PLAAT1: variants seen among roughly 807,000 people sequenced by gnomAD.
PLAAT1 encodes H-REV107 protein-related protein.
Under a neutral mutation model 16.4 loss-of-function variants are expected in PLAAT1, and 13 were observed. That is an observed-to-expected ratio of 0.79 (90% CI 0.52 to 1.26). The LOEUF (loss-of-function observed/expected upper bound fraction) is 1.26, where lower values mean the gene tolerates loss of function less well. Among genes scored for constraint, PLAAT1 ranks in the 50% most tolerant of loss-of-function variants. PLAAT1 has a pLI of 0.00. For synonymous variants in PLAAT1, 73 were observed against 78.4 expected (o/e 0.93, Z 0.36); for missense variants, 218 against 207.8 (o/e 1.05, Z -0.30).
chr3:193,266,696 G>A (rs942457734), intron 3 of PLAAT1, among the ~76,000 whole-genome samples: 1 of 152,062 alleles, frequency 6.6e-6, no homozygotes, highest in African/African-American at 2.4e-5. Context: ...ACTGTATTAT[G>A]TATTATCCAT....
chr3:193,245,478 T>G (rs1241034208), intron 1 of PLAAT1, among the ~76,000 whole-genome samples: 4 of 152,216 alleles, frequency 2.6e-5, no homozygotes. Flanking sequence ...TTGGCTATTA[T>G]GAACAATGCT....
intron 2 of PLAAT1, among the ~76,000 whole-genome samples, chr3:193,258,763 TA>T (rs779365071): frequency 4.0e-5 from 6 of 151,612 alleles, no homozygotes; most frequent in African/African-American, 1.5e-4. Context: ...ATAATAATAA[TA>T]AAAAAACTAC....
chr3:193,267,740 G>C (rs563020951), intron 3 of PLAAT1, among the ~76,000 whole-genome samples: 1 of 152,194 alleles, frequency 6.6e-6, no homozygotes, highest in South Asian at 2.1e-4. Flanking sequence ...GAGCATGATT[G>C]CTAGATCATA....
At chr3:193,278,063 T>A (rs1024092266), downstream of PLAAT1, among the ~76,000 whole-genome samples, 1 of 152,112 alleles carries the variant, frequency 6.6e-6, no homozygotes, top group African/African-American at 2.4e-5. Flanking sequence ...CTTGGCCTCC[T>A]AGAGTGCAGG....
At chr3:193,275,223 G>T (rs998823825), downstream of PLAAT1, 2 of 1,614,030 alleles carry the variant, frequency 1.2e-6, no homozygotes, top group African/African-American at 2.7e-5. Context: ...CTTTTGCCAA[G>T]TCCTATATTG....
At chr3:193,240,804 G>T (rs893310628), upstream of PLAAT1, among the ~76,000 whole-genome samples, 1 of 152,046 alleles carries the variant, frequency 6.6e-6, no homozygotes, top group African/African-American at 2.4e-5. Flanking sequence ...AAGACCCAGA[G>T]GCTTTCTTGG....
chr3:193,262,929 C>G (rs1478187406), intron 2 of PLAAT1, 41 bp from the exon 3 acceptor site: 1 of 1,599,774 alleles, frequency 6.3e-7, no homozygotes, highest in Non-Finnish European at 8.5e-7. Flanking sequence ...GTTCATTGGA[C>G]TGGGTCACTA....
Position 193,241,460 on chromosome 3 carries a change from C to G in PLAAT1, c.-74C>G. 8.1e-7 allele frequency: 1 copy of G among 1,231,882 alleles called. No homozygotes were observed. Among genetic ancestry groups the G allele is most frequent in the Non-Finnish European group, 1.0e-6 (1 of 988,106 alleles). The allele number at this position is 1,231,882 out of a possible 1,614,324, so 76.3% of individuals were successfully genotyped here. A position where few individuals can be genotyped will look rare whatever the true frequency, so the allele number is the denominator to read the frequency against. ...CCGCCGGCGGCAAGGTCGGCAGCTG[C>G]GAGGCCAAGAGAGACCCCAGGACAC... On this transcript the variant is annotated 5_prime_UTR_variant, in exon 1 of 4. Transcript: ENST00000264735.
At chr3:193,263,988 C>A (rs1716685961) in intron 3 of PLAAT1, among the ~76,000 whole-genome samples, 1 of 151,914 alleles carries the variant, frequency 6.6e-6, no homozygotes, top group Non-Finnish European at 1.5e-5. Flanking sequence ...AAAAGAAAGT[C>A]CTCTTCATCC....
At chr3:193,250,329 T>A (rs1161036340) in intron 1 of PLAAT1, among the ~76,000 whole-genome samples, 6 of 152,114 alleles carry the variant, frequency 3.9e-5, no homozygotes, top group African/African-American at 1.4e-4. Context: ...AGTTGTGTGT[T>A]CCAGTTTCTT....
At chr3:193,260,069 G>T (rs1716526902) in intron 2 of PLAAT1, among the ~76,000 whole-genome samples, 1 of 152,038 alleles carries the variant, frequency 6.6e-6, no homozygotes, top group South Asian at 2.1e-4. Flanking sequence ...AAAACCATCT[G>T]ATCTTCAACA....
intron 1 of PLAAT1, among the ~76,000 whole-genome samples, chr3:193,244,831 A>C (rs971568939): frequency 6.6e-6 from 1 of 152,026 alleles, no homozygotes; most frequent in Non-Finnish European, 1.5e-5. Context: ...TCCCATGATA[A>C]TCCTTTAATC....
chr3:193,277,802 C>T (rs1442198295), downstream of PLAAT1: 1 of 152,146 alleles, frequency 6.6e-6, no homozygotes, highest in East Asian at 1.9e-4. Context: ...ATCCCTTGAC[C>T]TGGAAGTCAC....
At chr3:193,270,279 G>C (rs1483512154) in intron 3 of PLAAT1, among the ~76,000 whole-genome samples, 1 of 152,184 alleles carries the variant, frequency 6.6e-6, no homozygotes, top group Non-Finnish European at 1.5e-5. Flanking sequence ...TGCAAAACAA[G>C]AGTGGTATAT....
chr3:193,256,505 G>A (rs1266257775), intron 2 of PLAAT1, among the ~76,000 whole-genome samples: 3 of 152,176 alleles, frequency 2.0e-5, no homozygotes, highest in Non-Finnish European at 2.9e-5. Context: ...ATTAGGAACA[G>A]TTTGTAAAAG....
chr3:193,268,017 CTT>C (rs1338285103), intron 3 of PLAAT1, among the ~76,000 whole-genome samples: 2 of 152,096 alleles, frequency 1.3e-5, no homozygotes, highest in African/African-American at 4.8e-5. Flanking sequence ...ACCTTGCCTA[CTT>C]TTTAATTCAG....
At position 193,270,656 on chromosome 3, in the gene PLAAT1, T is replaced by C; in HGVS notation, c.458T>C (p.Phe153Ser). 2 of 1,613,834 alleles carry C rather than the reference T, an allele frequency of 1.2e-6. No individual in the cohort carries two copies. The highest frequency in any genetic ancestry group is 1.7e-6 in the Non-Finnish European group (2 of 1,179,742). The part of the protein sequence containing the change: ...VEFVTAAVGV[F>S]SFLGLFPKGQ... Reference sequence around the variant, plus strand: ...TTTGTGACAGCTGCTGTTGGTGTCTTCTCATTCCTGGGCTTGTTTCCAAAA... The same window carrying C: ...TTTGTGACAGCTGCTGTTGGTGTCTCCTCATTCCTGGGCTTGTTTCCAAAA... The change falls in exon 4 of 4, where the codon TTC becomes TCC. Residue 153 changes from phenylalanine to serine, a missense_variant. Phe to Ser is a radical substitution (Grantham distance 155). Transcript: ENST00000264735.
rs1429951299 is a variant in PLAAT1 at position 193,255,794 on chromosome 3, G to C, written c.139+5G>C. The stretch of plus-strand genomic sequence containing the variant: ...TTATCAACATAGCACCTGTAGGTGA[G>C]GTTTATTTCCAGTGGCTCCTGGGAG... On this transcript the variant is annotated splice_donor_5th_base_variant and intron_variant, in intron 2 of 3. Coordinates refer to ENST00000264735, the MANE Select transcript of PLAAT1 (RefSeq NM_020386.5). 7 of 1,570,300 alleles carry C rather than the reference G, an allele frequency of 4.5e-6. No individual in the cohort carries two copies. Among genetic ancestry groups the C allele is most frequent in the Non-Finnish European group, 6.1e-6 (7 of 1,155,512 alleles).
chr3:193,258,691 A>G (rs1036188977), intron 2 of PLAAT1, among the ~76,000 whole-genome samples: 11 of 152,150 alleles, frequency 7.2e-5, no homozygotes, highest in African/African-American at 2.7e-4. Context: ...TCAACATTGA[A>G]CCAGGAAAAA....
Sources: gnomAD v4.1 joint callset for allele counts (sites outside exome capture counted in the v4.1 genomes callset) on GRCh38, gnomAD v4.1.1 for gene constraint, MANE v1.5 for transcripts, NCBI Gene and HGNC (gene_info 2026-07-23, HGNC 2026-07-21) for gene names.